Variants in ASPRV1 observed in about 807,000 individuals in gnomAD.
ASPRV1 encodes retroviral-like aspartic protease 1.
In ASPRV1, 7 loss-of-function variants were observed where a neutral mutation model predicts 11.0. The ratio of observed to expected loss-of-function variants is 0.64; its 90% CI spans 0.36 to 1.20. The LOEUF (loss-of-function observed/expected upper bound fraction) is 1.20, where lower values mean the gene tolerates loss of function less well. ASPRV1 is among the 50% of genes most tolerant of loss of function. The probability of loss-of-function intolerance (pLI) is 0.02; values close to 1 mark genes in which losing one functional copy is unlikely to be tolerated. For missense variants in ASPRV1, 299 were observed against 320.0 expected, an observed-to-expected ratio of 0.93 and a Z score of 0.50; for synonymous variants, 136 against 138.4, an observed-to-expected ratio of 0.98 and a Z score of 0.12.
At chr2:70,036,764 C>T in the ASPRV1 span, among the ~76,000 whole-genome samples, 1 of 152,150 alleles carries the variant, frequency 6.6e-6, no homozygotes, top group East Asian at 1.9e-4. Context: ...AACTCCTAGG[C>T]TCAAGGGATC....
the ASPRV1 span, among the ~76,000 whole-genome samples, chr2:69,991,308 G>A: frequency 2.6e-5 from 4 of 152,086 alleles, no homozygotes; most frequent in African/African-American, 9.7e-5. Context: ...CACACTCTTG[G>A]TCCATAAGGA....
At chr2:69,948,185 C>T in the ASPRV1 span, among the ~76,000 whole-genome samples, 1 of 152,068 alleles carries the variant, frequency 6.6e-6, no homozygotes, top group Non-Finnish European at 1.5e-5. Context: ...GAGGTGGAGG[C>T]TGCAGTGAGT....
the ASPRV1 span, among the ~76,000 whole-genome samples, chr2:70,006,240 T>C: frequency 1.4e-4 from 21 of 152,060 alleles, no homozygotes; most frequent in African/African-American, 4.1e-4. Flanking sequence ...ACTGATACAG[T>C]CCTATAAAAG....
At chr2:70,068,946 C>CAAAAAA in the ASPRV1 span, among the ~76,000 whole-genome samples, 609 of 59,058 alleles carry the variant, frequency 0.01, 7 homozygotes, top group Non-Finnish European at 0.018. Context: ...ACTCTTGTCT[C>CAAAAAA]AAAAAAAAAA....
At chr2:69,979,418 G>C in the ASPRV1 span, among the ~76,000 whole-genome samples, 36 of 152,168 alleles carry the variant, frequency 2.4e-4, no homozygotes, top group Non-Finnish European at 4.9e-4. Context: ...TGGGCTCCTT[G>C]TAGTCTCTGA....
chr2:69,937,306 G>T, the ASPRV1 span: 6 of 1,614,226 alleles, frequency 3.7e-6, no homozygotes, highest in Non-Finnish European at 5.1e-6. Flanking sequence ...GACACCTGAA[G>T]AGGCAGCTGG....
At chr2:69,980,041 C>A in the ASPRV1 span, among the ~76,000 whole-genome samples, 10 of 152,204 alleles carry the variant, frequency 6.6e-5, no homozygotes, top group Non-Finnish European at 1.5e-4. Flanking sequence ...GAGCAGGGAG[C>A]CTCATTGTCG....
chr2:69,983,954 T>C, the ASPRV1 span, among the ~76,000 whole-genome samples: 1 of 152,200 alleles, frequency 6.6e-6, no homozygotes, highest in Non-Finnish European at 1.5e-5. Context: ...AGTCTTCCTA[T>C]TCCTGAAACC....
chr2:69,933,331 A>T, the ASPRV1 span, among the ~76,000 whole-genome samples: 2 of 151,962 alleles, frequency 1.3e-5, no homozygotes, highest in Non-Finnish European at 2.9e-5. Flanking sequence ...ATCTATTTTC[A>T]TGGCTCTTTT....
chr2:70,068,940 T>C, the ASPRV1 span, among the ~76,000 whole-genome samples: 6 of 120,354 alleles, frequency 5.0e-5, no homozygotes, highest in African/African-American at 1.9e-4. Flanking sequence ...AGCAAAACTC[T>C]TGTCTCAAAA....
At position 69,961,016 on chromosome 2, in the gene ASPRV1, A is replaced by G; in HGVS notation, c.421T>C (p.Trp141Arg). The G allele has an allele frequency of 1.2e-6, 2 of 1,613,988 alleles. No homozygotes were observed. The highest frequency in any genetic ancestry group is 2.2e-5 in the East Asian group (1 of 44,866). ...AQVSVVHPNL[W>R]EEVTDGDLDT... ...AGATCGCCATCAGTGACCTCCTCCC[A>G]CAAGTTTGGGTGGACCACAGAGACC... is the stretch of plus-strand genomic sequence containing the variant. The change falls in exon 1 of 1, where the codon TGG (tryptophan) becomes CGG (arginine). Residue 141 changes from tryptophan (W) to arginine (R), a missense_variant. Coordinates refer to ENST00000320256, the MANE Select transcript of ASPRV1 (RefSeq NM_152792.4).
the ASPRV1 span, among the ~76,000 whole-genome samples, chr2:69,954,862 C>T: frequency 6.6e-5 from 10 of 152,272 alleles, no homozygotes; most frequent in African/African-American, 2.4e-4. Context: ...GCTCCCTTCA[C>T]GTCCTTCCTA....
At chr2:70,066,033 C>A in the ASPRV1 span, among the ~76,000 whole-genome samples, 1 of 151,548 alleles carries the variant, frequency 6.6e-6, no homozygotes. Flanking sequence ...CATGGTGAAA[C>A]CCCATCTCTA....
downstream of ASPRV1, among the ~76,000 whole-genome samples, chr2:69,957,587 T>A (rs528251672): frequency 9.2e-5 from 14 of 151,772 alleles, no homozygotes; most frequent in Admixed American, 5.3e-4. Context: ...CAAACTCTTA[T>A]GTCCCCTAGA....
chr2:69,992,886 C>CAA, the ASPRV1 span, among the ~76,000 whole-genome samples: 3 of 152,216 alleles, frequency 2.0e-5, no homozygotes, highest in Non-Finnish European at 2.9e-5. Flanking sequence ...ATTGTCAAGA[C>CAA]AGAGACCTCC....
chr2:69,982,338 C>A, the ASPRV1 span, among the ~76,000 whole-genome samples: 1 of 151,818 alleles, frequency 6.6e-6, no homozygotes, highest in Non-Finnish European at 1.5e-5. Flanking sequence ...TGCCTGTAGA[C>A]CCAGCTACTT....
chr2:69,949,693 G>C, the ASPRV1 span, among the ~76,000 whole-genome samples: 1 of 152,064 alleles, frequency 6.6e-6, no homozygotes, highest in Non-Finnish European at 1.5e-5. Flanking sequence ...CAAGTATTTT[G>C]CTTACATTTC....
chr2:70,065,849 GAA>G, the ASPRV1 span, among the ~76,000 whole-genome samples: 1,807 of 119,544 alleles, frequency 0.015, 51 homozygotes, highest in African/African-American at 0.054. Context: ...AAAAAAGAAA[GAA>G]AAAGAAAAGG....
At chr2:69,985,116 G>A in the ASPRV1 span, among the ~76,000 whole-genome samples, 1 of 152,114 alleles carries the variant, frequency 6.6e-6, no homozygotes, top group African/African-American at 2.4e-5. Flanking sequence ...TCGGCCTCCC[G>A]AAGTGCTGGG....
Sources: gnomAD v4.1 joint callset for allele counts (sites outside exome capture counted in the v4.1 genomes callset) on GRCh38, gnomAD v4.1.1 for gene constraint, MANE v1.5 for transcripts, NCBI Gene and HGNC (gene_info 2026-07-23, HGNC 2026-07-21) for gene names.